CDH8: variants seen among roughly 807,000 people sequenced by gnomAD.
CDH8 encodes the protein cadherin-8.
In CDH8, 17 loss-of-function variants were observed where a neutral mutation model predicts 68.1. The observed-to-expected ratio is 0.25, with a 90% CI of 0.17 to 0.37. The LOEUF is 0.37. Among genes scored for constraint, CDH8 ranks in the 10% least tolerant of loss-of-function variants. The probability of loss-of-function intolerance (pLI) is 1.00; values close to 1 mark genes in which losing one functional copy is unlikely to be tolerated. For synonymous variants in CDH8, 372 were observed against 365.1 expected (o/e 1.02, Z -0.21); for missense variants, 763 against 999.3 (o/e 0.76, Z 3.19).
At chr16:61,874,171 A>G (rs1446182193) in intron 3 of CDH8, among the ~76,000 whole-genome samples, 1 of 152,002 alleles carries the variant, frequency 6.6e-6, no homozygotes. Context: ...ATATATACCT[A>G]CTATGTACCC....
chr16:61,767,371 T>C (rs1425875281), intron 8 of CDH8, among the ~76,000 whole-genome samples: 5 of 151,984 alleles, frequency 3.3e-5, no homozygotes, highest in Non-Finnish European at 7.4e-5. Flanking sequence ...GGCACCATCT[T>C]AGCTGAATGA....
At chr16:61,944,914 G>C (rs1964777687) in intron 2 of CDH8, among the ~76,000 whole-genome samples, 1 of 152,028 alleles carries the variant, frequency 6.6e-6, no homozygotes, top group African/African-American at 2.4e-5. Context: ...CATAGATATA[G>C]GTATAGATAT....
intron 8 of CDH8, among the ~76,000 whole-genome samples, chr16:61,730,926 C>T (rs1959516501): frequency 6.6e-6 from 1 of 151,456 alleles, no homozygotes; most frequent in Admixed American, 6.6e-5. Context: ...ACTCTACAAA[C>T]CCAGTCTCCA....
intron 2 of CDH8, among the ~76,000 whole-genome samples, chr16:61,923,458 T>C (rs1964406256): frequency 6.6e-6 from 1 of 152,010 alleles, no homozygotes; most frequent in Non-Finnish European, 1.5e-5. Flanking sequence ...GGGAAAAAAT[T>C]ATAGGGTTGG....
chr16:61,881,956 T>C (rs935418688), intron 3 of CDH8, among the ~76,000 whole-genome samples: 1 of 152,214 alleles, frequency 6.6e-6, no homozygotes, highest in African/African-American at 2.4e-5. Flanking sequence ...CCCCTTTAAA[T>C]TGGCTTCTTT....
chr16:61,897,608 A>T (rs1242592705), intron 3 of CDH8, among the ~76,000 whole-genome samples: 1 of 152,238 alleles, frequency 6.6e-6, no homozygotes, highest in East Asian at 1.9e-4. Context: ...ATCAATAGAT[A>T]TAGGCTTGGC....
intron 4 of CDH8, among the ~76,000 whole-genome samples, chr16:61,842,695 G>A (rs1477200313): frequency 6.6e-6 from 1 of 152,150 alleles, no homozygotes; most frequent in Non-Finnish European, 1.5e-5. Context: ...TCACCTCTAA[G>A]ATGGAAAACT....
rs1960671809 is a variant in CDH8 at position 61,768,362 on chromosome 16, CTCTCT to C, written c.1414+20979_1414+20983del. Among the ~76,000 whole-genome samples the C allele has an allele frequency of 7.3e-4, 81 of 111,260 alleles. 1 individual carries two copies. Among genetic ancestry groups the C allele is most frequent in the African/African-American group, 2.0e-3 (57 of 28,306 alleles). The allele number at this position is 111,260 out of a possible 152,430, so 73.0% of individuals were successfully genotyped here. ...TCTCTCTCTCTCTCTCTCTCTCTCT[CTCTCT>C]CCCTTTCTCTCTCTCTCTCTCTCTC... On this transcript the variant is annotated intron_variant, in intron 8 of 11. Coordinates refer to ENST00000577390, the MANE Select transcript of CDH8 (RefSeq NM_001796.5).
chr16:61,795,279 A>G (rs535057971), intron 7 of CDH8, among the ~76,000 whole-genome samples: 1 of 152,152 alleles, frequency 6.6e-6, no homozygotes, highest in East Asian at 1.9e-4. Context: ...TCATGATTTG[A>G]GGTAGAAATC....
intron 8 of CDH8, among the ~76,000 whole-genome samples, chr16:61,783,386 AAAAAAGAAT>A (rs1207809199): frequency 2.0e-5 from 3 of 148,750 alleles, no homozygotes; most frequent in African/African-American, 7.4e-5. Context: ...AAGGTTAGAG[AAAAAAGAAT>A]AAAAAGAAAT....
At chr16:61,801,494 T>C (rs1486594366) in intron 7 of CDH8, among the ~76,000 whole-genome samples, 1 of 152,208 alleles carries the variant, frequency 6.6e-6, no homozygotes, top group Non-Finnish European at 1.5e-5. Flanking sequence ...AGCTCCGGTC[T>C]ACAGCTCCCA....
At chr16:61,702,652 C>G (rs1964456171) in intron 10 of CDH8, among the ~76,000 whole-genome samples, 1 of 152,200 alleles carries the variant, frequency 6.6e-6, no homozygotes, top group Non-Finnish European at 1.5e-5. Context: ...AGAATCTTCT[C>G]TAATGCTTAG....
chr16:61,669,444 T>C (rs1210819757), intron 10 of CDH8, among the ~76,000 whole-genome samples: 1 of 152,090 alleles, frequency 6.6e-6, no homozygotes, highest in Admixed American at 6.6e-5. Context: ...TTTGCCTTTT[T>C]AGTACGTGCA....
In CDH8 at chr16:61,886,899, C is replaced by T. The variant is rs575400084; in HGVS notation, c.547+14280G>A. 3.3e-5 allele frequency among the ~76,000 whole-genome samples: 5 copies of T among 152,264 alleles called. No homozygotes were observed. The South Asian group carries it at 6.2e-4, about 19-fold the overall frequency. On this transcript the variant is annotated intron_variant, in intron 3 of 11. Transcript: ENST00000577390. ...AACAGAAGCAACCTATATAAGCTAA[C>T]TGCTGGTATTTCACACTGACAATAG...
intron 10 of CDH8, among the ~76,000 whole-genome samples, chr16:61,701,325 TAA>T (rs1805105867): frequency 6.6e-6 from 1 of 152,222 alleles, no homozygotes; most frequent in Non-Finnish European, 1.5e-5. Context: ...TTAAATCATT[TAA>T]GTTTCATATC....
intron 2 of CDH8, among the ~76,000 whole-genome samples, chr16:61,939,089 G>T (rs1964672262): frequency 1.3e-5 from 2 of 152,112 alleles, no homozygotes; most frequent in Admixed American, 1.3e-4. Flanking sequence ...AAGATTCTGA[G>T]TTTCTTAATT....
chr16:61,650,422 T>C lies in CDH8; in HGVS notation c.*3186A>G, dbSNP rs956110578. 1 of 152,140 alleles carries C rather than the reference T, an allele frequency of 6.6e-6. No individual in the cohort carries two copies. The highest frequency in any genetic ancestry group is 1.5e-5 in the Non-Finnish European group (1 of 68,020). 9.4% of individuals were successfully genotyped at this position (152,140 alleles called of 1,614,324 possible). On this transcript the variant is annotated 3_prime_UTR_variant, in exon 12 of 12. Transcript: ENST00000577390. The stretch of plus-strand genomic sequence containing the variant: ...TGGCTCCAACTTAATCATTCTTCTC[T>C]ATTTAGCAGAGAGTACTCTTGTTTC...
chr16:61,752,091 T>C (rs1338798753), intron 8 of CDH8, among the ~76,000 whole-genome samples: 1 of 152,126 alleles, frequency 6.6e-6, no homozygotes, highest in Non-Finnish European at 1.5e-5. Context: ...ACATGATAGC[T>C]AAATAATATG....
chr16:61,684,864 C>T (rs992956919), intron 10 of CDH8, among the ~76,000 whole-genome samples: 3 of 151,954 alleles, frequency 2.0e-5, no homozygotes. Flanking sequence ...ACTCCCCTTC[C>T]TTTAATTTGG....
Sources: gnomAD v4.1 joint callset for allele counts (sites outside exome capture counted in the v4.1 genomes callset) on GRCh38, gnomAD v4.1.1 for gene constraint, MANE v1.5 for transcripts, NCBI Gene and HGNC (gene_info 2026-07-23, HGNC 2026-07-21) for gene names.